XPR1: variants seen among roughly 807,000 people sequenced by gnomAD.
XPR1 encodes solute carrier family 53 member 1.
XPR1 carries 28 observed loss-of-function variants against 87.5 expected under a neutral mutation model. The ratio of observed to expected loss-of-function variants is 0.32; its 90% CI spans 0.24 to 0.44. The LOEUF is 0.44. XPR1 is among the 20% of genes least tolerant of loss of function. The probability of loss-of-function intolerance (pLI) is 1.00; values close to 1 mark genes in which losing one functional copy is unlikely to be tolerated. For missense variants in XPR1, 559 were observed against 862.3 expected (o/e 0.65, Z 4.41); for synonymous variants, 300 against 306.1 (o/e 0.98, Z 0.21).
intron 1 of XPR1, among the ~76,000 whole-genome samples, chr1:180,637,910 C>T (rs1031287580): frequency 6.6e-6 from 1 of 152,128 alleles, no homozygotes; most frequent in African/African-American, 2.4e-5. Context: ...ATGAACTTGA[C>T]TGTAAGTGTA....
intron 2 of XPR1, among the ~76,000 whole-genome samples, chr1:180,703,898 C>T (rs1571744032): frequency 6.6e-6 from 1 of 152,188 alleles, no homozygotes; most frequent in Non-Finnish European, 1.5e-5. Context: ...TAGGGGCTAC[C>T]ATACTGGACA....
rs377085359 is a variant in XPR1 at position 180,880,063 on chromosome 1, C to G, written c.1809-13C>G. 6.2e-7 allele frequency: 1 copy of G among 1,614,018 alleles called. No homozygotes were observed. The highest frequency in any genetic ancestry group is 8.5e-7 in the Non-Finnish European group (1 of 1,179,928). On this transcript the variant is annotated splice_polypyrimidine_tract_variant and intron_variant, in intron 13 of 14. Transcript: ENST00000367590. ...AATTTCATAAGTACTTTGATCTACC[C>G]CATTTTGCTAAGGCGATTTGTGTGG...
At chr1:180,829,115 G>A (rs769112137) in intron 9 of XPR1, among the ~76,000 whole-genome samples, 1 of 152,184 alleles carries the variant, frequency 6.6e-6, no homozygotes, top group Non-Finnish European at 1.5e-5. Flanking sequence ...AGGATCGCTT[G>A]AGTCCAGCAG....
intron 3 of XPR1, among the ~76,000 whole-genome samples, chr1:180,799,324 T>G (rs1269344410): frequency 6.6e-6 from 1 of 152,214 alleles, no homozygotes; most frequent in Non-Finnish European, 1.5e-5. Context: ...ATATTTTGGT[T>G]ATGTTGGGGA....
chr1:180,863,580 A>G, intron 11 of XPR1, 128 bp from the exon 12 acceptor site: 1 of 726,570 alleles, frequency 1.4e-6, no homozygotes, highest in Non-Finnish European at 2.1e-6. Context: ...TGATCTTCCT[A>G]CGATCTGTTT....
At chr1:180,706,753 A>G (rs183691534) in intron 2 of XPR1, among the ~76,000 whole-genome samples, 22 of 152,142 alleles carry the variant, frequency 1.4e-4, no homozygotes, top group African/African-American at 5.3e-4. Flanking sequence ...CTGGGATTAC[A>G]GGTGCAAGCC....
chr1:180,724,040 G>A (rs1658259266), intron 2 of XPR1, among the ~76,000 whole-genome samples: 1 of 152,110 alleles, frequency 6.6e-6, no homozygotes. Flanking sequence ...TAAAAAACCA[G>A]AATTACATCC....
At chr1:180,673,547 G>A (rs1292522332) in intron 1 of XPR1, among the ~76,000 whole-genome samples, 1 of 152,172 alleles carries the variant, frequency 6.6e-6, no homozygotes, top group Non-Finnish European at 1.5e-5. Context: ...TTAGGAACTG[G>A]GCCACACAGC....
Position 180,863,695 on chromosome 1 carries a change from C to G in XPR1, c.1502-13C>G. 1 of 1,545,582 alleles carries G rather than the reference C, an allele frequency of 6.5e-7. No homozygotes were observed. The highest frequency in any genetic ancestry group is 2.2e-5 in the Admixed American group (1 of 44,814). On this transcript the variant is annotated splice_polypyrimidine_tract_variant and intron_variant, in intron 11 of 14. Coordinates refer to ENST00000367590, the MANE Select transcript of XPR1 (RefSeq NM_004736.4). The stretch of plus-strand genomic sequence containing the variant: ...GTAATTTTCTCTTTTCTCTTTCCCT[C>G]TTCTTTCTTCAGAACGAGGTCACTC...
intron 2 of XPR1, among the ~76,000 whole-genome samples, chr1:180,718,660 A>G (rs2101994023): frequency 6.7e-6 from 1 of 148,206 alleles, no homozygotes; most frequent in Admixed American, 6.8e-5. Flanking sequence ...TTGGGACTTG[A>G]GCATCTGTAT....
intron 11 of XPR1, among the ~76,000 whole-genome samples, chr1:180,855,681 G>A (rs1289793545): frequency 6.6e-6 from 1 of 150,790 alleles, no homozygotes; most frequent in African/African-American, 2.4e-5. Flanking sequence ...AAAAAAAGTG[G>A]GGGGAGGGGG....
intron 2 of XPR1, among the ~76,000 whole-genome samples, chr1:180,742,053 G>C (rs1343442611): frequency 6.6e-6 from 1 of 151,234 alleles, no homozygotes; most frequent in African/African-American, 2.4e-5. Flanking sequence ...TCTTGCTTGA[G>C]TTTTTTTGTT....
At chr1:180,751,442 G>T (rs1647531668) in intron 2 of XPR1, among the ~76,000 whole-genome samples, 1 of 151,968 alleles carries the variant, frequency 6.6e-6, no homozygotes, top group Admixed American at 6.6e-5. Flanking sequence ...TAGTTGGAAT[G>T]AATTTATTAG....
In XPR1 at chr1:180,756,380, G is replaced by A. The variant is rs146641637; in HGVS notation, c.122-31373G>A. On this transcript the variant is annotated intron_variant, in intron 2 of 14. Coordinates refer to ENST00000367590, the MANE Select transcript of XPR1 (RefSeq NM_004736.4). ...ATTGCAGTTTTTATTTGCATTTATC[G>A]TCTGGGTAATGCTGTTGAGCATATT... 5.9e-5 allele frequency among the ~76,000 whole-genome samples: 9 copies of A among 152,206 alleles called. No individual in the cohort carries two copies. The East Asian group carries it at 1.5e-3, about 26-fold the overall frequency.
chr1:180,723,640 T>G (rs569461711), intron 2 of XPR1, among the ~76,000 whole-genome samples: 1 of 152,300 alleles, frequency 6.6e-6, no homozygotes, highest in South Asian at 2.1e-4. Context: ...AATAAAATAG[T>G]CTCTTCCTTT....
intron 6 of XPR1, among the ~76,000 whole-genome samples, chr1:180,807,458 A>T (rs879353981): frequency 6.6e-6 from 1 of 152,248 alleles, no homozygotes; most frequent in Non-Finnish European, 1.5e-5. Context: ...GCTGTTTATA[A>T]TATCATCAAA....
chr1:180,824,774 A>T lies in XPR1; in HGVS notation c.785A>T (p.Asp262Val). 2 of 1,612,494 alleles carry T rather than the reference A, an allele frequency of 1.2e-6. No individual in the cohort carries two copies. Among genetic ancestry groups the T allele is most frequent in the Non-Finnish European group, 1.7e-6 (2 of 1,179,552 alleles). Residue 262 changes from aspartate (D) to valine (V), a missense_variant, in exon 8 of 15, where the codon GAT becomes GTT. Coordinates refer to ENST00000367590, the MANE Select transcript of XPR1 (RefSeq NM_004736.4). ...TCAGCTGTATTTAAACTTGAAACAG[A>T]TAGAAGTATATGGCCCTTGATAAGA... is the stretch of plus-strand genomic sequence containing the variant. ...VLAAVFKLET[D>V]RSIWPLIRIY...
At chr1:180,713,001 A>G (rs888865251) in intron 2 of XPR1, among the ~76,000 whole-genome samples, 1 of 100,008 alleles carries the variant, frequency 1.0e-5, no homozygotes, top group African/African-American at 3.8e-5. Context: ...TTTCTTATGT[A>G]TTTTGGAATA....
At chr1:180,788,852 C>T (rs1036382644) in intron 3 of XPR1, among the ~76,000 whole-genome samples, 18 of 152,164 alleles carry the variant, frequency 1.2e-4, no homozygotes, top group Non-Finnish European at 2.6e-4. Context: ...GTGAATTAGT[C>T]TAAAGATGAA....
Sources: allele counts gnomAD v4.1 joint callset (sites outside exome capture counted in the v4.1 genomes callset), GRCh38; gene constraint gnomAD v4.1.1; transcripts MANE v1.5; gene names NCBI Gene and HGNC (gene_info 2026-07-23, HGNC 2026-07-21).